The following STXBP5L variants were observed in gnomAD, a reference collection of about 807,000 sequenced individuals.
STXBP5L encodes syntaxin-binding protein 5-like.
Under a neutral mutation model 144.5 loss-of-function variants are expected in STXBP5L, and 65 were observed. That is an observed-to-expected ratio of 0.45 (90% CI 0.37 to 0.55). The LOEUF is 0.55. Ranked by LOEUF, STXBP5L falls within the 20% of genes least tolerant of loss-of-function variation. The probability of loss-of-function intolerance (pLI) is 0.00; values close to 1 mark genes in which losing one functional copy is unlikely to be tolerated. For missense variants in STXBP5L, 1,298 were observed against 1,405.5 expected (o/e 0.92, Z 1.22); for synonymous variants, 505 against 469.6 (o/e 1.08, Z -0.97).
intron 5 of STXBP5L, among the ~76,000 whole-genome samples, chr3:121,066,072 C>A (rs987551799): frequency 1.3e-5 from 2 of 152,090 alleles, no homozygotes; most frequent in Non-Finnish European, 2.9e-5. Flanking sequence ...AGCCCATGAC[C>A]TTTGTCATAT....
At chr3:120,968,087 G>A (rs187741487) in intron 3 of STXBP5L, among the ~76,000 whole-genome samples, 11 of 152,262 alleles carry the variant, frequency 7.2e-5, no homozygotes, top group African/African-American at 2.4e-4. Context: ...GCTATTGGAT[G>A]CAATGTTCTA....
chr3:121,000,259 T>C (rs1190265981), intron 3 of STXBP5L, among the ~76,000 whole-genome samples: 1 of 152,140 alleles, frequency 6.6e-6, no homozygotes, highest in Non-Finnish European at 1.5e-5. Context: ...GAGTCATAGA[T>C]TTGGTCTATA....
intron 19 of STXBP5L, among the ~76,000 whole-genome samples, chr3:121,313,443 AC>A (rs1256246508): frequency 3.6e-5 from 2 of 55,454 alleles, no homozygotes; most frequent in African/African-American, 9.0e-5. Flanking sequence ...CGGGGGGCTG[AC>A]CCCCCCACCT....
chr3:121,027,085 T>A (rs909337846), intron 3 of STXBP5L, among the ~76,000 whole-genome samples: 2 of 152,004 alleles, frequency 1.3e-5, no homozygotes, highest in Middle Eastern at 3.4e-3. Flanking sequence ...GTTTTTCTAT[T>A]TATGTGTATA....
At chr3:120,926,421 T>C (rs1462317892) in intron 2 of STXBP5L, among the ~76,000 whole-genome samples, 1 of 150,590 alleles carries the variant, frequency 6.6e-6, no homozygotes. Flanking sequence ...GAAGTCTGAA[T>C]GGATTAAACC....
At chr3:121,190,916 C>T (rs2047646438) in intron 9 of STXBP5L, among the ~76,000 whole-genome samples, 1 of 151,376 alleles carries the variant, frequency 6.6e-6, no homozygotes, top group Non-Finnish European at 1.5e-5. Flanking sequence ...CACGGCCGGG[C>T]AGAGGAGCTC....
intron 18 of STXBP5L, among the ~76,000 whole-genome samples, chr3:121,270,354 T>C (rs2050700049): frequency 6.6e-6 from 1 of 152,044 alleles, no homozygotes; most frequent in South Asian, 2.1e-4. Context: ...GTCCCAATAA[T>C]GTCATTTATA....
At chr3:121,358,842 T>A (rs1266306010) in intron 20 of STXBP5L, among the ~76,000 whole-genome samples, 1 of 152,238 alleles carries the variant, frequency 6.6e-6, no homozygotes, top group African/African-American at 2.4e-5. Context: ...TATGATTGAA[T>A]AGTACTCCAT....
intron 22 of STXBP5L, among the ~76,000 whole-genome samples, chr3:121,398,535 CT>C (rs1328668773): frequency 6.6e-6 from 1 of 152,200 alleles, no homozygotes; most frequent in African/African-American, 2.4e-5. Flanking sequence ...CAATGTTTTC[CT>C]TTTTTACATT....
intron 3 of STXBP5L, among the ~76,000 whole-genome samples, chr3:121,025,962 T>A (rs1318246151): frequency 8.8e-6 from 1 of 113,500 alleles, no homozygotes; most frequent in African/African-American, 3.0e-5. Flanking sequence ...TCATAATGTA[T>A]AATATATTAA....
In STXBP5L at chr3:121,125,470, C is replaced by CA. The variant is rs55831310; in HGVS notation, c.669+3776dup. 2.0e-3 allele frequency among the ~76,000 whole-genome samples: 291 copies of CA among 148,476 alleles called. 1 individual carries two copies. Among genetic ancestry groups the CA allele is most frequent in the Middle Eastern group, 0.017 (5 of 292 alleles). On this transcript the variant is annotated intron_variant, in intron 7 of 26. Transcript: ENST00000471454. ...TGGGCAACAGAGCAAGACTCCATCTCAAAAAAAAAATCAAGATAATGTCAT... is the reference window on the plus strand; with the variant it reads ...TGGGCAACAGAGCAAGACTCCATCTCAAAAAAAAAAATCAAGATAATGTCAT...
intron 5 of STXBP5L, among the ~76,000 whole-genome samples, chr3:121,055,716 T>C (rs917512828): frequency 6.6e-6 from 1 of 151,872 alleles, no homozygotes; most frequent in African/African-American, 2.4e-5. Context: ...CTATGCTTTT[T>C]TTGAGACAGG....
intron 20 of STXBP5L, among the ~76,000 whole-genome samples, chr3:121,331,854 A>G (rs73183147): frequency 0.036 from 5,411 of 152,274 alleles, 146 homozygotes; most frequent in Middle Eastern, 0.082. Flanking sequence ...GGAACAAGAT[A>G]AGCTTCCAGA....
At chr3:121,143,222 AG>A in intron 7 of STXBP5L, among the ~76,000 whole-genome samples, 1 of 151,720 alleles carries the variant, frequency 6.6e-6, no homozygotes, top group Middle Eastern at 3.4e-3. Context: ...CCTTTTAACG[AG>A]GAAAAGCTCA....
intron 10 of STXBP5L, among the ~76,000 whole-genome samples, chr3:121,220,795 C>G (rs1275319285): frequency 6.6e-6 from 1 of 152,020 alleles, no homozygotes; most frequent in Non-Finnish European, 1.5e-5. Context: ...CTGGTACTCA[C>G]TAGCTGCTTG....
At chr3:121,083,267 T>G (rs910460485) in intron 5 of STXBP5L, among the ~76,000 whole-genome samples, 3 of 152,120 alleles carry the variant, frequency 2.0e-5, no homozygotes, top group Admixed American at 2.0e-4. Context: ...TAGTCTGTAG[T>G]TTTCTTTATT....
chr3:121,105,904 A>C (rs1488225041), intron 5 of STXBP5L, among the ~76,000 whole-genome samples: 1 of 152,158 alleles, frequency 6.6e-6, no homozygotes, highest in South Asian at 2.1e-4. Flanking sequence ...ATAAGTGTGA[A>C]AAATTTATAT....
chr3:121,102,954 C>G (rs2043504929), intron 5 of STXBP5L, among the ~76,000 whole-genome samples: 1 of 151,996 alleles, frequency 6.6e-6, no homozygotes, highest in Non-Finnish European at 1.5e-5. Flanking sequence ...AAAAAATACC[C>G]CACATAACTA....
chr3:120,985,012 AC>A (rs1942162541), intron 3 of STXBP5L, among the ~76,000 whole-genome samples: 1 of 151,948 alleles, frequency 6.6e-6, no homozygotes, highest in Non-Finnish European at 1.5e-5. Context: ...AATAAATCCC[AC>A]TTGGTCATGG....
Sources: allele counts gnomAD v4.1 joint callset (sites outside exome capture counted in the v4.1 genomes callset), GRCh38; gene constraint gnomAD v4.1.1; transcripts MANE v1.5; gene names NCBI Gene and HGNC (gene_info 2026-07-23, HGNC 2026-07-21).